The following PRKD1 variants were observed in gnomAD, a reference collection of about 807,000 sequenced individuals.
PRKD1 encodes the protein serine/threonine-protein kinase D1.
A neutral mutation model predicts 95.9 loss-of-function variants in PRKD1; 63 were observed. The ratio of observed to expected loss-of-function variants is 0.66; its 90% CI spans 0.54 to 0.81. PRKD1 has a LOEUF of 0.81. Ranked by LOEUF, PRKD1 falls within the 30% of genes least tolerant of loss-of-function variation. The pLI, the probability that PRKD1 is intolerant of heterozygous loss-of-function variation, is 0.00. For synonymous variants in PRKD1, 425 were observed against 423.1 expected (o/e 1.00, Z -0.05); for missense variants, 1,048 against 1,165.3 (o/e 0.90, Z 1.47).
chr14:29,787,100 G>A (rs1016315177), intron 1 of PRKD1, among the ~76,000 whole-genome samples: 1 of 151,722 alleles, frequency 6.6e-6, no homozygotes, highest in South Asian at 2.1e-4. Flanking sequence ...TGGTCATATA[G>A]GAGAGTGCTA....
chr14:29,610,895 A>C (rs1566484800), intron 13 of PRKD1, among the ~76,000 whole-genome samples: 1 of 152,226 alleles, frequency 6.6e-6, no homozygotes, highest in Non-Finnish European at 1.5e-5. Context: ...GAAAGAAAGC[A>C]ACCTGAAAAG....
At chr14:29,819,684 C>T (rs574777802) in intron 1 of PRKD1, among the ~76,000 whole-genome samples, 19 of 150,884 alleles carry the variant, frequency 1.3e-4, no homozygotes, top group African/African-American at 4.6e-4. Flanking sequence ...AGTGAGACTC[C>T]GTCTCAAAAA....
intron 1 of PRKD1, among the ~76,000 whole-genome samples, chr14:29,896,025 GT>G: frequency 6.6e-6 from 1 of 152,248 alleles, no homozygotes; most frequent in East Asian, 1.9e-4. Flanking sequence ...GATTTTGTCT[GT>G]TTTGTTTACA....
At chr14:29,766,504 T>C (rs1204154277) in intron 1 of PRKD1, among the ~76,000 whole-genome samples, 1 of 152,182 alleles carries the variant, frequency 6.6e-6, no homozygotes, top group African/African-American at 2.4e-5. Flanking sequence ...TTCATGAGTA[T>C]TGCCCACGAA....
At chr14:29,797,104 T>A (rs1484345402) in intron 1 of PRKD1, among the ~76,000 whole-genome samples, 1 of 152,176 alleles carries the variant, frequency 6.6e-6, no homozygotes, top group Non-Finnish European at 1.5e-5. Context: ...GGACCCTCCA[T>A]TAGACCAGAC....
chr14:29,733,830 CT>C (rs1331099463), intron 1 of PRKD1, among the ~76,000 whole-genome samples: 5 of 151,912 alleles, frequency 3.3e-5, no homozygotes, highest in Admixed American at 3.3e-4. Context: ...ACCCAGTAAA[CT>C]TTTCATATAA....
chr14:29,669,811 T>C (rs1882736516), intron 2 of PRKD1, among the ~76,000 whole-genome samples: 1 of 152,164 alleles, frequency 6.6e-6, no homozygotes. Context: ...GAGGTTGCAA[T>C]GAATCAAGAT....
At chr14:29,624,063 C>T in intron 13 of PRKD1, 89 bp downstream of exon 13, 1 of 903,424 alleles carries the variant, frequency 1.1e-6, no homozygotes, top group Non-Finnish European at 1.7e-6. Flanking sequence ...ATTTATGCCA[C>T]AGGTTTTTAG....
At position 29,663,818 on chromosome 14, in the gene PRKD1, G is replaced by T. The variant is rs1356392254; in HGVS notation, c.577C>A (p.Pro193Thr). Reference sequence around the variant, plus strand: ...CGCCTCACACCGCTGCAATTGTTGGGTATTTTAAATGCACATCTCTTATGG... The same window carrying T: ...CGCCTCACACCGCTGCAATTGTTGGTTATTTTAAATGCACATCTCTTATGG... ...NYHKRCAFKIPNNCSGVRRRR... is the reference protein window; with the variant it reads ...NYHKRCAFKITNNCSGVRRRR... Residue 193 changes from proline (P) to threonine (T), a missense_variant, in exon 4 of 18, where the codon CCC (proline) becomes ACC (threonine). Physicochemically the swap from Pro to Thr is conservative, Grantham distance 38 (BLOSUM62 -1). This residue lies in a region of PRKD1 where 275 missense variants were observed against 248.6 expected (regional missense o/e 1.11). Coordinates refer to ENST00000331968, the MANE Select transcript of PRKD1 (RefSeq NM_002742.3). 1 of 1,613,808 alleles carries T rather than the reference G, an allele frequency of 6.2e-7. No individual in the cohort carries two copies. Among genetic ancestry groups the T allele is most frequent in the East Asian group, 2.2e-5 (1 of 44,882 alleles).
intron 2 of PRKD1, among the ~76,000 whole-genome samples, chr14:29,693,462 A>T (rs1884346847): frequency 6.6e-6 from 1 of 152,102 alleles, no homozygotes; most frequent in African/African-American, 2.4e-5. Context: ...ATGCAAAAAA[A>T]TAGCAGTGTA....
At chr14:29,610,176 T>C (rs1383272370) in intron 13 of PRKD1, among the ~76,000 whole-genome samples, 1 of 151,842 alleles carries the variant, frequency 6.6e-6, no homozygotes, top group Non-Finnish European at 1.5e-5. Flanking sequence ...TCAGAAAAGA[T>C]GAATGGAAAA....
chr14:29,753,369 G>C (rs934083871), intron 1 of PRKD1, among the ~76,000 whole-genome samples: 3 of 152,040 alleles, frequency 2.0e-5, no homozygotes, highest in Non-Finnish European at 4.4e-5. Flanking sequence ...CCCAGTCCTT[G>C]GGTGGCTCTA....
At chr14:29,645,441 C>T (rs1212896453) in intron 4 of PRKD1, among the ~76,000 whole-genome samples, 1 of 152,138 alleles carries the variant, frequency 6.6e-6, no homozygotes, top group Non-Finnish European at 1.5e-5. Flanking sequence ...TTAAAAGATA[C>T]TAGCATAACT....
chr14:29,836,848 G>A (rs144255172), intron 1 of PRKD1, among the ~76,000 whole-genome samples: 2 of 152,134 alleles, frequency 1.3e-5, no homozygotes, highest in Non-Finnish European at 2.9e-5. Flanking sequence ...GAGTGGGAAG[G>A]CCACAGGTGA....
intron 1 of PRKD1, among the ~76,000 whole-genome samples, chr14:29,795,637 T>C (rs530992510): frequency 1.1e-4 from 16 of 152,172 alleles, no homozygotes; most frequent in Non-Finnish European, 1.9e-4. Context: ...TACTGTAAAA[T>C]TGTAGCAAAA....
chr14:29,867,101 C>T (rs1404959515), intron 1 of PRKD1, among the ~76,000 whole-genome samples: 1 of 152,206 alleles, frequency 6.6e-6, no homozygotes, highest in African/African-American at 2.4e-5. Context: ...CTCATTCCCA[C>T]TATACCTGCT....
Position 29,816,197 on chromosome 14 carries a change from A to T in PRKD1, c.265-90523T>A, listed in dbSNP as rs150280994. Reference sequence around the variant, plus strand: ...CTTGCCACTGCAATCCAGCCTGGGCAACAGAGCAAGACCAAGAGCCTCCAT... The same window carrying T: ...CTTGCCACTGCAATCCAGCCTGGGCTACAGAGCAAGACCAAGAGCCTCCAT... On this transcript the variant is annotated intron_variant, in intron 1 of 17. Coordinates refer to ENST00000331968, the MANE Select transcript of PRKD1 (RefSeq NM_002742.3). Among the ~76,000 whole-genome samples, 548 of 152,286 alleles carry T rather than the reference A, an allele frequency of 3.6e-3. 5 individuals carry two copies. Among genetic ancestry groups the T allele is most frequent in the African/African-American group, 0.013 (530 of 41,562 alleles).
intron 1 of PRKD1, among the ~76,000 whole-genome samples, chr14:29,884,319 GA>G (rs1893618839): frequency 6.6e-6 from 1 of 152,032 alleles, no homozygotes; most frequent in African/African-American, 2.4e-5. Flanking sequence ...AACATGAAAA[GA>G]AAAGTTAGTT....
At chr14:29,743,808 T>A (rs903244283) in intron 1 of PRKD1, among the ~76,000 whole-genome samples, 18 of 152,150 alleles carry the variant, frequency 1.2e-4, no homozygotes, top group African/African-American at 4.3e-4. Context: ...AATTCTCAGT[T>A]CCTCACAGAC....
Sources: gnomAD v4.1 joint callset for allele counts (sites outside exome capture counted in the v4.1 genomes callset) on GRCh38, gnomAD v4.1.1 for gene constraint, gnomAD v4.1.1 regional missense constraint, MANE v1.5 for transcripts, NCBI Gene and HGNC (gene_info 2026-07-23, HGNC 2026-07-21) for gene names.